The following CNTNAP4 variants were observed in gnomAD, a reference collection of about 807,000 sequenced individuals.
CNTNAP4 encodes the protein contactin associated protein family member 4.
A neutral mutation model predicts 148.4 loss-of-function variants in CNTNAP4; 98 were observed. The ratio of observed to expected loss-of-function variants is 0.66; its 90% CI spans 0.56 to 0.78. The LOEUF is 0.78. Ranked by LOEUF, CNTNAP4 falls within the 30% of genes least tolerant of loss-of-function variation. The probability of loss-of-function intolerance (pLI) is 0.00; values close to 1 mark genes in which losing one functional copy is unlikely to be tolerated. For synonymous variants in CNTNAP4, 730 were observed against 565.1 expected, an observed-to-expected ratio of 1.29 and a Z score of -4.14; for missense variants, 1,935 against 1,565.6, an observed-to-expected ratio of 1.24 and a Z score of -3.98.
intron 2 of CNTNAP4, among the ~76,000 whole-genome samples, chr16:76,325,039 C>T (rs1185311096): frequency 6.6e-6 from 1 of 152,100 alleles, no homozygotes; most frequent in African/African-American, 2.4e-5. Flanking sequence ...GACAGCCAGC[C>T]CTCGGGGGCA....
intron 15 of CNTNAP4, among the ~76,000 whole-genome samples, chr16:76,519,028 C>G (rs551913151): frequency 2.0e-5 from 3 of 152,208 alleles, no homozygotes; most frequent in South Asian, 4.2e-4. Flanking sequence ...CTGAGGTGGC[C>G]CAGATTCTGG....
chr16:76,468,083 A>G (rs1178798180), intron 10 of CNTNAP4, among the ~76,000 whole-genome samples: 3 of 152,222 alleles, frequency 2.0e-5, no homozygotes, highest in African/African-American at 4.8e-5. Context: ...TGATCAAGGT[A>G]TAAGGATGAT....
chr16:76,478,712 C>T (rs761290176), intron 11 of CNTNAP4, among the ~76,000 whole-genome samples: 6 of 152,072 alleles, frequency 3.9e-5, no homozygotes, highest in Non-Finnish European at 7.4e-5. Flanking sequence ...TAATTAAAAA[C>T]ATCCAAACAT....
chr16:76,427,595 A>G lies in CNTNAP4; in HGVS notation c.534A>G (p.Ala178=), dbSNP rs780365834. The G allele has an allele frequency of 1.3e-5, 21 of 1,606,498 alleles. No individual in the cohort carries two copies. The highest frequency in any genetic ancestry group is 1.1e-4 in the African/African-American group (8 of 74,614). ...TGCGAATCGAAGTGTTCGGATGTGC[A>G]TACAGTAAGTGTTTGTTTATCCAAT... ...IGMRIEVFGC[A]YRSEVVDLDG... The change falls in exon 4 of 24, where the codon GCA becomes GCG. Residue 178 remains alanine (A), a synonymous_variant. Transcript: ENST00000611870.
At chr16:76,351,883 T>C (rs2011830120) in intron 2 of CNTNAP4, among the ~76,000 whole-genome samples, 2 of 152,184 alleles carry the variant, frequency 1.3e-5, no homozygotes, top group South Asian at 4.1e-4. Flanking sequence ...TGCTGTCATG[T>C]GTTCGCTTTT....
At chr16:76,345,397 T>C (rs1964818752) in intron 2 of CNTNAP4, among the ~76,000 whole-genome samples, 1 of 152,216 alleles carries the variant, frequency 6.6e-6, no homozygotes, top group African/African-American at 2.4e-5. Context: ...AGTGATTTCC[T>C]GTCAAAGAAA....
At chr16:76,530,827 C>T (rs922958176) in intron 17 of CNTNAP4, among the ~76,000 whole-genome samples, 1 of 152,192 alleles carries the variant, frequency 6.6e-6, no homozygotes, top group African/African-American at 2.4e-5. Flanking sequence ...GATTCCCTAC[C>T]TTCTATGTTA....
At chr16:76,524,370 CA>C (rs2083621430) in intron 17 of CNTNAP4, among the ~76,000 whole-genome samples, 1 of 152,146 alleles carries the variant, frequency 6.6e-6, no homozygotes, top group South Asian at 2.1e-4. Flanking sequence ...ATGGCCACAA[CA>C]AAAGGTATGG....
intron 1 of CNTNAP4, among the ~76,000 whole-genome samples, chr16:76,315,623 C>G (rs1480842408): frequency 6.6e-6 from 1 of 151,816 alleles, no homozygotes; most frequent in African/African-American, 2.4e-5. Context: ...GAGACAGCGT[C>G]TTACTCCGTC....
chr16:76,392,614 C>G (rs577741832), intron 3 of CNTNAP4, among the ~76,000 whole-genome samples: 2 of 152,286 alleles, frequency 1.3e-5, no homozygotes, highest in Non-Finnish European at 2.9e-5. Context: ...GATTTATTTT[C>G]TAGTGAACAC....
At chr16:76,278,380 G>A (rs542459145) in intron 1 of CNTNAP4, among the ~76,000 whole-genome samples, 1 of 152,306 alleles carries the variant, frequency 6.6e-6, no homozygotes, top group East Asian at 1.9e-4. Context: ...AGGAAAACCA[G>A]TCAGGTGGTC....
At chr16:76,527,630 A>G (rs1374519383) in intron 17 of CNTNAP4, among the ~76,000 whole-genome samples, 2 of 152,212 alleles carry the variant, frequency 1.3e-5, no homozygotes, top group Non-Finnish European at 2.9e-5. Flanking sequence ...ACAGAGACTG[A>G]TGGTAATAAT....
chr16:76,455,767 A>T (rs2080704782), intron 8 of CNTNAP4, among the ~76,000 whole-genome samples: 1 of 152,126 alleles, frequency 6.6e-6, no homozygotes, highest in South Asian at 2.1e-4. Flanking sequence ...TGCCTTTTGC[A>T]CCTTTGCTGA....
intron 8 of CNTNAP4, among the ~76,000 whole-genome samples, chr16:76,454,461 T>C (rs1395931805): frequency 1.3e-5 from 2 of 152,226 alleles, no homozygotes; most frequent in African/African-American, 4.8e-5. Context: ...ATATAATCTG[T>C]TATGACATCA....
intron 2 of CNTNAP4, among the ~76,000 whole-genome samples, chr16:76,353,609 A>T (rs561611880): frequency 6.6e-6 from 1 of 152,088 alleles, no homozygotes; most frequent in Admixed American, 6.5e-5. Context: ...AATTGTTCAG[A>T]TTAGCCAATT....
rs149840134 is a variant in CNTNAP4, at chr16:76,308,873, G to A, written c.86-7540G>A. Among the ~76,000 whole-genome samples, 851 of 152,160 alleles carry A rather than the reference G, an allele frequency of 5.6e-3. 4 individuals are homozygous for A. The highest frequency in any genetic ancestry group is 0.014 in the African/African-American group (599 of 41,524). ...GGGGTCTTGCTCTGTTGTCCAGGCT[G>A]GTGTGCAGTGGTGCGATCATAGCTC... On this transcript the variant is annotated intron_variant, in intron 1 of 23. Coordinates refer to ENST00000611870, the MANE Select transcript of CNTNAP4 (RefSeq NM_033401.5).
chr16:76,391,787 A>G (rs1463984799), intron 3 of CNTNAP4, among the ~76,000 whole-genome samples: 1 of 152,186 alleles, frequency 6.6e-6, no homozygotes, highest in African/African-American at 2.4e-5. Flanking sequence ...CATCAGAGAG[A>G]CAAAACTTGT....
chr16:76,315,287 A>G (rs11647910), intron 1 of CNTNAP4, among the ~76,000 whole-genome samples: 14,046 of 152,190 alleles, frequency 0.092, 2,114 homozygotes, highest in African/African-American at 0.32. Context: ...AAAATTACTA[A>G]TATTTATATA....
intron 21 of CNTNAP4, among the ~76,000 whole-genome samples, chr16:76,546,252 A>G (rs980845279): frequency 7.2e-5 from 11 of 152,198 alleles, no homozygotes; most frequent in Non-Finnish European, 1.6e-4. Flanking sequence ...CAAGATCAGT[A>G]TGATCGGGGG....
Sources: allele counts gnomAD v4.1 joint callset (sites outside exome capture counted in the v4.1 genomes callset), GRCh38; gene constraint gnomAD v4.1.1; transcripts MANE v1.5; gene names NCBI Gene and HGNC (gene_info 2026-07-23, HGNC 2026-07-21).